CCNYL1: variants seen among roughly 807,000 people sequenced by gnomAD.
CCNYL1 encodes the protein cyclin Y like 1.
Under a neutral mutation model 44.2 loss-of-function variants are expected in CCNYL1, and 16 were observed. The observed-to-expected ratio is 0.36, with a 90% confidence interval of 0.25 to 0.55. The LOEUF (loss-of-function observed/expected upper bound fraction) is 0.55, where lower values mean the gene tolerates loss of function less well. Among genes scored for constraint, CCNYL1 ranks in the 20% least tolerant of loss-of-function variants. The pLI is 0.85. For synonymous variants in CCNYL1, 159 were observed against 163.2 expected, an observed-to-expected ratio of 0.97 and a Z score of 0.20; for missense variants, 348 against 451.8, an observed-to-expected ratio of 0.77 and a Z score of 2.08.
chr2:207,731,168 T>C (rs2091723386), intron 3 of CCNYL1, among the ~76,000 whole-genome samples: 1 of 151,954 alleles, frequency 6.6e-6, no homozygotes, highest in South Asian at 2.1e-4. Flanking sequence ...TTAAAAGTCA[T>C]TAATTCTTTT....
At position 207,752,708 on chromosome 2, in the gene CCNYL1, T is replaced by C. The variant is rs995995398; in HGVS notation, c.970-880T>C. On this transcript the variant is annotated intron_variant, in intron 9 of 9. Coordinates refer to ENST00000295414, the MANE Select transcript of CCNYL1 (RefSeq NM_001330218.2). ...TTTCTGTGGTACCTTGGTGGTACTT[T>C]AGAATAATATGTATTTCTAGGCTGG... 5.3e-5 allele frequency among the ~76,000 whole-genome samples: 8 copies of C among 152,268 alleles called. No homozygotes were observed. The South Asian group carries it at 1.4e-3, about 28-fold the overall frequency.
chr2:207,742,370 C>G (rs1174761234), intron 7 of CCNYL1, 28 bp downstream of exon 7: 2 of 1,598,896 alleles, frequency 1.3e-6, no homozygotes, highest in African/African-American at 2.7e-5. Flanking sequence ...TATAAAGTGT[C>G]TTTAGAAATT....
At chr2:207,748,518 C>T (rs2091871159) in intron 8 of CCNYL1, among the ~76,000 whole-genome samples, 1 of 152,186 alleles carries the variant, frequency 6.6e-6, no homozygotes, top group African/African-American at 2.4e-5. Flanking sequence ...GCATTTCCAG[C>T]AAAGGCTCTC....
chr2:207,753,575 T>A lies in CCNYL1; in HGVS notation c.970-13T>A. ...AAAATTGTACCTGTTTTCTATTTGA[T>A]TGACTTTCCTAGGCTATTTCTAGAT... On this transcript the variant is annotated splice_polypyrimidine_tract_variant and intron_variant, in intron 9 of 9. Coordinates refer to ENST00000295414, the MANE Select transcript of CCNYL1 (RefSeq NM_001330218.2). 1 of 1,568,538 alleles carries A rather than the reference T, an allele frequency of 6.4e-7. No individual in the cohort carries two copies. The highest frequency in any genetic ancestry group is 1.7e-5 in the Admixed American group (1 of 57,886).
At chr2:207,729,403 T>C (rs554113873) in intron 3 of CCNYL1, among the ~76,000 whole-genome samples, 1 of 152,102 alleles carries the variant, frequency 6.6e-6, no homozygotes, top group East Asian at 1.9e-4. Context: ...AAGAATTTTT[T>C]TAAGTTTTCA....
intron 1 of CCNYL1, among the ~76,000 whole-genome samples, chr2:207,722,077 T>TG (rs1413208585): frequency 6.6e-6 from 1 of 150,832 alleles, no homozygotes; most frequent in Non-Finnish European, 1.5e-5. Flanking sequence ...CCTTGGATTT[T>TG]TTTTTTTTTT....
chr2:207,727,050 C>CTTAGTGT (rs1282948990), intron 3 of CCNYL1, among the ~76,000 whole-genome samples, 174 bp downstream of exon 3: 6 of 152,042 alleles, frequency 3.9e-5, no homozygotes, highest in African/African-American at 1.4e-4. Context: ...AAGTCTTTGA[C>CTTAGTGT]TTAGTGTACC....
chr2:207,732,808 C>T (rs1054439120), intron 3 of CCNYL1, among the ~76,000 whole-genome samples: 2 of 152,184 alleles, frequency 1.3e-5, no homozygotes, highest in Non-Finnish European at 2.9e-5. Flanking sequence ...TCAAAAAGTT[C>T]ATAGTCACCT....
In CCNYL1 at chr2:207,755,363, T is replaced by C. The variant is rs1306994398; in HGVS notation, c.*1665T>C. Reference sequence around the variant, plus strand: ...TCACTGCTCTCCAACCTGGGCGACATCCAGACCCTGTCTCAAAGAAAAAAG... The same window carrying C: ...TCACTGCTCTCCAACCTGGGCGACACCCAGACCCTGTCTCAAAGAAAAAAG... On this transcript the variant is annotated 3_prime_UTR_variant, in exon 10 of 10. Coordinates refer to ENST00000295414, the MANE Select transcript of CCNYL1 (RefSeq NM_001330218.2). 2 of 152,290 alleles carry C rather than the reference T, an allele frequency of 1.3e-5. No homozygotes were observed. The highest frequency in any genetic ancestry group is 2.9e-5 in the Non-Finnish European group (2 of 68,036). 9.4% of individuals were successfully genotyped at this position (152,290 alleles called of 1,614,324 possible). A position where few individuals can be genotyped will look rare whatever the true frequency, so the allele number is the denominator to read the frequency against.
intron 8 of CCNYL1, 40 bp downstream of exon 8, chr2:207,747,253 C>A: frequency 6.4e-7 from 1 of 1,557,574 alleles, no homozygotes; most frequent in Non-Finnish European, 8.8e-7. Flanking sequence ...TAACCATTTT[C>A]CAGTATCTTA....
At chr2:207,738,197 G>A (rs2091779851) in intron 5 of CCNYL1, among the ~76,000 whole-genome samples, 1 of 150,986 alleles carries the variant, frequency 6.6e-6, no homozygotes, top group African/African-American at 2.4e-5. Flanking sequence ...AGATGGTTGT[G>A]GGTATTCTTT....
rs1360374574 is a variant in CCNYL1, at chr2:207,751,170, A to G, written c.969+51A>G. ...GGTTTTCCATCAGCCACCAAAGCCA[A>G]CATCTGTGACTAAATCATATTAAGT... is the stretch of plus-strand genomic sequence containing the variant. On this transcript the variant is annotated intron_variant, in intron 9 of 9. Transcript: ENST00000295414. 4.0e-6 allele frequency: 6 copies of G among 1,482,228 alleles called. No homozygotes were observed. The Admixed American group carries it at 5.5e-5, about 14-fold the overall frequency. 91.8% of individuals were successfully genotyped at this position (1,482,228 alleles called of 1,614,324 possible). A position where few individuals can be genotyped will look rare whatever the true frequency, so the allele number is the denominator to read the frequency against.
At chr2:207,746,947 C>T in intron 7 of CCNYL1, 100 bp from the exon 8 acceptor site, 1 of 961,946 alleles carries the variant, frequency 1.0e-6, no homozygotes, top group Non-Finnish European at 1.6e-6. Flanking sequence ...TGCACTACAG[C>T]CTGGGCAACA....
intron 1 of CCNYL1, among the ~76,000 whole-genome samples, 155 bp downstream of exon 1, chr2:207,712,271 T>C (rs1444151486): frequency 6.6e-6 from 1 of 152,192 alleles, no homozygotes; most frequent in Non-Finnish European, 1.5e-5. Flanking sequence ...CCACCCCTTA[T>C]TCTTGCCCTG....
intron 3 of CCNYL1, among the ~76,000 whole-genome samples, chr2:207,732,556 A>C (rs1266419032): frequency 6.6e-6 from 1 of 152,036 alleles, no homozygotes; most frequent in Non-Finnish European, 1.5e-5. Context: ...GGTAAAAACT[A>C]TCATATTAAT....
intron 1 of CCNYL1, among the ~76,000 whole-genome samples, chr2:207,724,030 C>T (rs754742450): frequency 6.6e-6 from 1 of 152,022 alleles, no homozygotes; most frequent in Admixed American, 6.6e-5. Context: ...TATTATCCAA[C>T]TTTGGTGCAA....
At chr2:207,742,078 G>C (rs561639712) in intron 6 of CCNYL1, 145 bp from the exon 7 acceptor site, 7 of 643,642 alleles carry the variant, frequency 1.1e-5, no homozygotes, top group East Asian at 3.0e-5. Flanking sequence ...TTAAACCCGG[G>C]GGGTAGAGGT....
rs2091924637 is a variant in CCNYL1, at chr2:207,755,377, C to CA, written c.*1682dup. On this transcript the variant is annotated 3_prime_UTR_variant, in exon 10 of 10. Transcript: ENST00000295414. ...CCTGGGCGACATCCAGACCCTGTCTCAAAGAAAAAAGCAGAAGAAAAATGT... is the reference window on the plus strand; with the variant it reads ...CCTGGGCGACATCCAGACCCTGTCTCAAAAGAAAAAAGCAGAAGAAAAATGT... 6.6e-6 allele frequency: 1 copy of CA among 151,936 alleles called. No individual in the cohort carries two copies. 9.4% of individuals were successfully genotyped at this position (151,936 alleles called of 1,614,324 possible). A position where few individuals can be genotyped will look rare whatever the true frequency, so the allele number is the denominator to read the frequency against.
At chr2:207,749,815 C>T (rs1267973374) in intron 8 of CCNYL1, among the ~76,000 whole-genome samples, 4 of 152,206 alleles carry the variant, frequency 2.6e-5, no homozygotes, top group Non-Finnish European at 1.5e-5. Flanking sequence ...CACATCTCTG[C>T]TCATATTAAC....
Sources: allele counts gnomAD v4.1 joint callset (sites outside exome capture counted in the v4.1 genomes callset), GRCh38; gene constraint gnomAD v4.1.1; transcripts MANE v1.5; gene names NCBI Gene and HGNC (gene_info 2026-07-23, HGNC 2026-07-21).